Variants in NSFL1C observed in about 807,000 individuals in gnomAD.
NSFL1C encodes the protein NSFL1 cofactor p47.
In NSFL1C, 14 loss-of-function variants were observed where a neutral mutation model predicts 43.1. The ratio of observed to expected loss-of-function variants is 0.32; its 90% confidence interval spans 0.21 to 0.51. The LOEUF is 0.51. Ranked by LOEUF, NSFL1C falls within the 20% of genes least tolerant of loss-of-function variation. The pLI is 0.98. For missense variants in NSFL1C, 406 were observed against 472.5 expected (o/e 0.86, Z 1.30); for synonymous variants, 171 against 183.5 (o/e 0.93, Z 0.55).
chr20:1,464,198 A>ACC, intron 2 of NSFL1C, 131 bp downstream of exon 2: 1 of 722,284 alleles, frequency 1.4e-6, no homozygotes, highest in Non-Finnish European at 2.5e-6. Flanking sequence ...GGGAAGTACT[A>ACC]CCCATTGACT....
At chr20:1,458,108 A>G (rs1350136644) in intron 3 of NSFL1C, 92 bp downstream of exon 3, 2 of 1,037,406 alleles carry the variant, frequency 1.9e-6, no homozygotes, top group African/African-American at 3.1e-5. Flanking sequence ...AACAATAACC[A>G]AACATGTTTA....
At position 1,466,788 on chromosome 20, in the gene NSFL1C, C is replaced by G; in HGVS notation, c.37G>C (p.Val13Leu). The change falls in exon 1 of 9, where the codon GTG becomes CTG. Residue 13 changes from valine (V) to leucine (L), a missense_variant. Around this residue, in one of 3 missense-constraint regions of NSFL1C, gnomAD observed 203 missense variants for 216.3 expected, o/e 0.94. Transcript: ENST00000216879. Reference protein sequence around the residue: ...AERQEALREFVAVTGAEEDRA... With the variant: ...AERQEALREFLAVTGAEEDRA... ...TCCTCCTCGGCGCCCGTCACCGCCA[C>G]GAACTCCCTCAGCGCCTCCTGTCGC... The G allele has an allele frequency of 6.4e-7, 1 of 1,562,366 alleles. No individual in the cohort carries two copies. The highest frequency in any genetic ancestry group is 8.6e-7 in the Non-Finnish European group (1 of 1,156,918).
rs2090202940 is a variant in NSFL1C at position 1,452,517 on chromosome 20, G to C, written c.761C>G (p.Thr254Ser). 6.2e-7 allele frequency: 1 copy of C among 1,614,110 alleles called. No individual in the cohort carries two copies. Among genetic ancestry groups the C allele is most frequent in the East Asian group, 2.2e-5 (1 of 44,904 alleles). ...CCTGCCCAGTTTCTGACCCTCGCCA[G>C]TGAAGGCTTTGAAGGCTCCTTTGGG... ...VKPKGAFKAF[T>S]GEGQKLGSTA... The change falls in exon 7 of 9, where the codon ACT (threonine) becomes AGT (serine). Residue 254 changes from threonine to serine, a missense_variant. Physicochemically the swap from Thr to Ser is moderately conservative, Grantham distance 58 (BLOSUM62 1). Transcript: ENST00000216879.
intron 6 of NSFL1C, 31 bp downstream of exon 6, chr20:1,453,000 T>C (rs368542154): frequency 5.4e-5 from 63 of 1,171,434 alleles, no homozygotes; most frequent in Middle Eastern, 3.8e-4. Flanking sequence ...ACTCACTGAT[T>C]TGGGACCTAC....
chr20:1,450,374 C>T (rs1475921763), intron 7 of NSFL1C, among the ~76,000 whole-genome samples: 1 of 151,652 alleles, frequency 6.6e-6, no homozygotes, highest in Non-Finnish European at 1.5e-5. Context: ...TCATAAAAAG[C>T]CAGAACTGAA....
intron 5 of NSFL1C, 54 bp downstream of exon 5, chr20:1,454,159 A>C (rs2090246425): frequency 2.1e-6 from 3 of 1,426,228 alleles, no homozygotes; most frequent in Non-Finnish European, 3.0e-6. Context: ...ATCCCTTCAG[A>C]AAAATGGCAG....
At chr20:1,447,250 G>A (rs935016465) in intron 7 of NSFL1C, among the ~76,000 whole-genome samples, 1 of 152,078 alleles carries the variant, frequency 6.6e-6, no homozygotes, top group Non-Finnish European at 1.5e-5. Context: ...ATGACACTAC[G>A]ATAGGCCACA....
chr20:1,449,398 T>C lies in NSFL1C; in HGVS notation c.785+3095A>G, dbSNP rs767940091. ...TACTGCTCTCAAGGAGGATGGGGAGTGGAAGAGGAGGGGAAACCTGAAGAC... is the reference window on the plus strand; with the variant it reads ...TACTGCTCTCAAGGAGGATGGGGAGCGGAAGAGGAGGGGAAACCTGAAGAC... On this transcript the variant is annotated intron_variant, in intron 7 of 8. Transcript: ENST00000216879. Among the ~76,000 whole-genome samples, 43 of 151,468 alleles carry C rather than the reference T, an allele frequency of 2.8e-4. 1 individual carries two copies. The highest frequency in any genetic ancestry group is 5.2e-4 in the Non-Finnish European group (35 of 67,844).
chr20:1,449,248 T>C (rs571103168), intron 7 of NSFL1C, among the ~76,000 whole-genome samples: 1 of 152,278 alleles, frequency 6.6e-6, no homozygotes, highest in African/African-American at 2.4e-5. Context: ...ACTAACTAAT[T>C]ATATCATTCT....
At position 1,445,704 on chromosome 20, in the gene NSFL1C, G is replaced by A. The variant is rs142203875; in HGVS notation, c.912C>T (p.Asp304=). The change falls in exon 8 of 9, where the codon GAC becomes GAT. Residue 304 remains aspartate, a synonymous_variant. Transcript: ENST00000216879. The stretch of plus-strand genomic sequence containing the variant: ...TAAATTTCTGCACCAGCCTCCCGCC[G>A]TCTGCAAGCCGAATTTGGATGTTTG... ...PTTNIQIRLA[D]GGRLVQKFNH... is the part of the protein sequence containing the mutation. The A allele has an allele frequency of 3.7e-5, 59 of 1,613,538 alleles. No homozygotes were observed. Among genetic ancestry groups the A allele is most frequent in the Non-Finnish European group, 4.5e-5 (53 of 1,180,002 alleles).
intron 5 of NSFL1C, 121 bp from the exon 6 acceptor site, chr20:1,453,261 CACAT>C: frequency 1.5e-6 from 1 of 654,032 alleles, no homozygotes; most frequent in South Asian, 1.7e-5. Context: ...CATAGAGACA[CACAT>C]ATATACATGT....
In NSFL1C at chr20:1,445,653, C is replaced by T. The variant is rs753386033; in HGVS notation, c.950+13G>A. 3.1e-6 allele frequency: 5 copies of T among 1,611,650 alleles called. No individual in the cohort carries two copies. In the African/African-American group the frequency reaches 5.3e-5, roughly 17 times the overall value. ...CACTCCTAGAATAAGCTAGGCCACA[C>T]AATGCAAGGTACCTGTGGCTGTGGT... On this transcript the variant is annotated intron_variant, in intron 8 of 8. Transcript: ENST00000216879.
At chr20:1,457,924 C>G (rs987107680) in intron 3 of NSFL1C, 2 of 368,322 alleles carry the variant, frequency 5.4e-6, no homozygotes, top group African/African-American at 4.1e-5. Context: ...GATTTCAAAT[C>G]TTTTTAGTCA....
chr20:1,445,978 G>T, intron 7 of NSFL1C, 148 bp from the exon 8 acceptor site: 1 of 830,630 alleles, frequency 1.2e-6, no homozygotes, highest in Non-Finnish European at 1.9e-6. Context: ...GGAAAATCGT[G>T]CCCTTATGGA....
chr20:1,465,904 A>C (rs975208312), intron 1 of NSFL1C, among the ~76,000 whole-genome samples: 6 of 152,208 alleles, frequency 3.9e-5, no homozygotes, highest in African/African-American at 1.2e-4. Context: ...GCGAAGGTTA[A>C]ATGACAAAAG....
chr20:1,453,622 G>A (rs1028273455), intron 5 of NSFL1C, among the ~76,000 whole-genome samples: 1 of 152,066 alleles, frequency 6.6e-6, no homozygotes, highest in Admixed American at 6.6e-5. Flanking sequence ...TGCCTCGGAG[G>A]ATAAAATTTT....
intron 2 of NSFL1C, chr20:1,463,250 CCAA>C (rs994278663): frequency 1.3e-5 from 2 of 152,158 alleles, no homozygotes; most frequent in African/African-American, 4.8e-5. Context: ...TGCCAACATC[CCAA>C]CAACACCCTA....
intron 7 of NSFL1C, among the ~76,000 whole-genome samples, chr20:1,447,933 AT>A (rs2090099774): frequency 6.6e-6 from 1 of 152,220 alleles, no homozygotes; most frequent in South Asian, 2.1e-4. Flanking sequence ...GCTATGGATC[AT>A]TTTTAAAAAC....
At chr20:1,455,513 G>A (rs936577469) in intron 3 of NSFL1C, among the ~76,000 whole-genome samples, 4 of 152,178 alleles carry the variant, frequency 2.6e-5, no homozygotes, top group Non-Finnish European at 5.9e-5. Context: ...CTCCTCTCCA[G>A]GAGACAGTGA....
Sources: allele counts gnomAD v4.1 joint callset (sites outside exome capture counted in the v4.1 genomes callset), GRCh38; gene constraint gnomAD v4.1.1; regional missense constraint gnomAD v4.1.1; transcripts MANE v1.5; gene names NCBI Gene and HGNC (gene_info 2026-07-23, HGNC 2026-07-21).